MAN1A1: variants seen among roughly 807,000 people sequenced by gnomAD.
The protein encoded by MAN1A1 is mannosyl-oligosaccharide 1,2-alpha-mannosidase IA.
MAN1A1 carries 29 observed loss-of-function variants against 70.8 expected under a neutral mutation model. That is an observed-to-expected ratio of 0.41 (90% confidence interval 0.31 to 0.56). The LOEUF (loss-of-function observed/expected upper bound fraction) is 0.56, where lower values mean the gene tolerates loss of function less well. Ranked by LOEUF, MAN1A1 falls within the 20% of genes least tolerant of loss-of-function variation. The probability of loss-of-function intolerance (pLI) is 0.29; values close to 1 mark genes in which losing one functional copy is unlikely to be tolerated. For synonymous variants in MAN1A1, 349 were observed against 330.1 expected (o/e 1.06, Z -0.62); for missense variants, 747 against 841.3 (o/e 0.89, Z 1.39).
At chr6:119,203,932 T>G (rs567112750) in intron 7 of MAN1A1, among the ~76,000 whole-genome samples, 7 of 151,676 alleles carry the variant, frequency 4.6e-5, no homozygotes, top group Non-Finnish European at 1.0e-4. Context: ...GATGCAACAA[T>G]GTAGGGAGTG....
chr6:119,338,809 C>T (rs375625202), intron 2 of MAN1A1, among the ~76,000 whole-genome samples: 2 of 152,280 alleles, frequency 1.3e-5, no homozygotes, highest in East Asian at 3.9e-4. Flanking sequence ...GTAAGAGCTC[C>T]TATCAATAAA....
chr6:119,276,077 A>G (rs12211831), intron 5 of MAN1A1, among the ~76,000 whole-genome samples: 408 of 152,362 alleles, frequency 2.7e-3, no homozygotes, highest in Middle Eastern at 0.01. Flanking sequence ...TCCAAAGGAA[A>G]GAAAGAAATG....
intron 3 of MAN1A1, among the ~76,000 whole-genome samples, chr6:119,302,344 G>C (rs1442441429): frequency 6.6e-6 from 1 of 151,488 alleles, no homozygotes; most frequent in Non-Finnish European, 1.5e-5. Flanking sequence ...AAATGTCTCA[G>C]AAACTTCTCT....
chr6:119,220,491 C>T lies in MAN1A1; in HGVS notation c.993-15609G>A, dbSNP rs528161291. On this transcript the variant is annotated intron_variant, in intron 6 of 12. Coordinates refer to ENST00000368468, the MANE Select transcript of MAN1A1 (RefSeq NM_005907.4). Reference sequence around the variant, plus strand: ...ATATAACCAATGTTAAACTTCTAGCCCTTCATACTTATTGGTAATCCACAT... The same window carrying T: ...ATATAACCAATGTTAAACTTCTAGCTCTTCATACTTATTGGTAATCCACAT... Among the ~76,000 whole-genome samples, 6 of 152,130 alleles carry T rather than the reference C, an allele frequency of 3.9e-5. No individual in the cohort carries two copies. In the South Asian group the frequency reaches 1.2e-3, roughly 32 times the overall value.
intron 5 of MAN1A1, among the ~76,000 whole-genome samples, chr6:119,286,987 T>C (rs2038768): frequency 0.028 from 4,256 of 152,178 alleles, 93 homozygotes; most frequent in Non-Finnish European, 0.045. Context: ...TGTTCAGGAA[T>C]TATCTATACT....
chr6:119,189,562 T>G, intron 10 of MAN1A1, 102 bp downstream of exon 10: 7 of 1,005,622 alleles, frequency 7.0e-6, no homozygotes. Context: ...TCATCAAGCT[T>G]CATAGGCAGA....
At chr6:119,273,551 A>T (rs1487131621) in intron 5 of MAN1A1, among the ~76,000 whole-genome samples, 1 of 152,168 alleles carries the variant, frequency 6.6e-6, no homozygotes, top group Non-Finnish European at 1.5e-5. Context: ...AAATATATAA[A>T]ATATTTCCAA....
At chr6:119,252,009 C>T (rs890269784) in intron 5 of MAN1A1, among the ~76,000 whole-genome samples, 1 of 152,154 alleles carries the variant, frequency 6.6e-6, no homozygotes, top group Non-Finnish European at 1.5e-5. Flanking sequence ...AGTTGGCCAT[C>T]CTTATTTATT....
intron 2 of MAN1A1, among the ~76,000 whole-genome samples, chr6:119,310,507 A>C (rs1182270079): frequency 6.6e-6 from 1 of 152,142 alleles, no homozygotes; most frequent in Non-Finnish European, 1.5e-5. Context: ...CCCAACTCAA[A>C]GGCAGATTGC....
intron 6 of MAN1A1, among the ~76,000 whole-genome samples, chr6:119,221,504 T>C (rs1391839829): frequency 1.4e-5 from 2 of 146,858 alleles, no homozygotes; most frequent in African/African-American, 2.5e-5. Flanking sequence ...CAGAGTCTCA[T>C]TTCTGTCACC....
chr6:119,300,538 G>A (rs1407306463), intron 4 of MAN1A1, among the ~76,000 whole-genome samples: 3 of 152,124 alleles, frequency 2.0e-5, no homozygotes, highest in Non-Finnish European at 4.4e-5. Flanking sequence ...ACAGGTGTGA[G>A]CCACCACGCC....
At chr6:119,310,302 C>T (rs1020590948) in intron 2 of MAN1A1, among the ~76,000 whole-genome samples, 1 of 152,182 alleles carries the variant, frequency 6.6e-6, no homozygotes, top group Non-Finnish European at 1.5e-5. Flanking sequence ...TTATATTAGA[C>T]ACATCAAAAG....
At chr6:119,325,787 G>GA (rs535199410) in intron 2 of MAN1A1, among the ~76,000 whole-genome samples, 67 of 152,184 alleles carry the variant, frequency 4.4e-4, no homozygotes, top group Admixed American at 9.8e-4. Flanking sequence ...AAAGTCCTAA[G>GA]AAAAAAATGG....
intron 6 of MAN1A1, among the ~76,000 whole-genome samples, chr6:119,239,898 C>G (rs1774956749): frequency 6.6e-6 from 1 of 152,168 alleles, no homozygotes; most frequent in Non-Finnish European, 1.5e-5. Context: ...ATTGCTGAGG[C>G]TGATTCGCAA....
intron 5 of MAN1A1, among the ~76,000 whole-genome samples, chr6:119,279,933 A>G (rs1010418745): frequency 2.6e-5 from 4 of 152,362 alleles, no homozygotes; most frequent in Admixed American, 2.6e-4. Flanking sequence ...AAGATGCTAA[A>G]GAGAGTCCAT....
intron 9 of MAN1A1, among the ~76,000 whole-genome samples, chr6:119,192,045 T>C (rs1323494464): frequency 6.6e-6 from 1 of 152,202 alleles, no homozygotes; most frequent in African/African-American, 2.4e-5. Context: ...ACTTCATTTG[T>C]TCTTAATGGA....
At position 119,315,501 on chromosome 6, in the gene MAN1A1, A is replaced by C. The variant is rs140858660; in HGVS notation, c.604-8509T>G. On this transcript the variant is annotated intron_variant, in intron 2 of 12. Transcript: ENST00000368468. ...TTCCAGTTCTAGCTAAAAAAATTGG[A>C]TCATATGCATTTAATGGTTCTCTTT... Among the ~76,000 whole-genome samples the C allele has an allele frequency of 1.7e-3, 260 of 152,298 alleles. 1 individual carries two copies. The highest frequency in any genetic ancestry group is 5.6e-3 in the African/African-American group (232 of 41,570).
chr6:119,255,272 T>C (rs975202438), intron 5 of MAN1A1, among the ~76,000 whole-genome samples: 1 of 152,262 alleles, frequency 6.6e-6, no homozygotes, highest in Admixed American at 6.5e-5. Flanking sequence ...AATGCTCATG[T>C]TGAAAACTTC....
chr6:119,275,290 T>TAGTAGAGACGGGG (rs751486961), intron 5 of MAN1A1, among the ~76,000 whole-genome samples: 60 of 25,254 alleles, frequency 2.4e-3, no homozygotes, highest in Non-Finnish European at 3.4e-3. Flanking sequence ...TTTTTTTTTT[T>TAGTAGAGACGGGG]TTTTTTTTTT....
Sources: allele counts gnomAD v4.1 joint callset (sites outside exome capture counted in the v4.1 genomes callset), GRCh38; gene constraint gnomAD v4.1.1; transcripts MANE v1.5; gene names NCBI Gene and HGNC (gene_info 2026-07-23, HGNC 2026-07-21).